BCKDHA: variants seen among roughly 807,000 people sequenced by gnomAD.
BCKDHA encodes the protein 2-oxoisovalerate dehydrogenase subunit alpha, mitochondrial.
A neutral mutation model predicts 52.2 loss-of-function variants in BCKDHA; 43 were observed. The ratio of observed to expected loss-of-function variants is 0.82; its 90% CI spans 0.64 to 1.06. The LOEUF (loss-of-function observed/expected upper bound fraction) is 1.06. BCKDHA is among the 50% of genes least tolerant of loss of function. The probability of loss-of-function intolerance (pLI) is 0.00; values close to 1 mark genes in which losing one functional copy is unlikely to be tolerated. For missense variants in BCKDHA, 527 were observed against 621.3 expected (o/e 0.85, Z 1.61); for synonymous variants, 234 against 247.9 (o/e 0.94, Z 0.53).
At chr19:41,401,079 G>T (rs201870636) in intron 1 of BCKDHA, among the ~76,000 whole-genome samples, 2 of 149,238 alleles carry the variant, frequency 1.3e-5, no homozygotes, top group Non-Finnish European at 1.5e-5. Context: ...GTTTTGTTTT[G>T]TTTTTTGTTT....
intron 3 of BCKDHA, 148 bp downstream of exon 3, chr19:41,411,157 G>A: frequency 1.1e-6 from 1 of 882,052 alleles, no homozygotes; most frequent in Non-Finnish European, 1.8e-6. Flanking sequence ...GGACTCTGGA[G>A]GAGAAGTGTG....
At chr19:41,419,408 C>CT in intron 5 of BCKDHA, 112 bp downstream of exon 5, 2 of 1,322,636 alleles carry the variant, frequency 1.5e-6, no homozygotes, top group South Asian at 1.3e-5. Flanking sequence ...GGTGACACCA[C>CT]TAGAGCCCTG....
intron 4 of BCKDHA, chr19:41,418,914 A>C: frequency 1.7e-6 from 1 of 573,880 alleles, no homozygotes; most frequent in Non-Finnish European, 3.1e-6. Context: ...ACCAGACAAT[A>C]TCTCACTAAG....
chr19:41,415,231 C>T (rs1275483101), intron 4 of BCKDHA, among the ~76,000 whole-genome samples: 3 of 152,236 alleles, frequency 2.0e-5, no homozygotes, highest in Admixed American at 6.5e-5. Context: ...TAGTGTCATC[C>T]GTGCGGAAAA....
chr19:41,410,894 C>T, intron 2 of BCKDHA, 29 bp from the exon 3 acceptor site: 2 of 1,613,996 alleles, frequency 1.2e-6, no homozygotes, highest in South Asian at 1.1e-5. Flanking sequence ...TCCCAACTGC[C>T]CCACGTCTAT....
chr19:41,422,505 C>T, intron 6 of BCKDHA, 124 bp from the exon 7 acceptor site: 1 of 1,572,328 alleles, frequency 6.4e-7, no homozygotes. Flanking sequence ...ACTTGGTCAG[C>T]CACAGGAGTT....
At chr19:41,422,938 C>A in intron 7 of BCKDHA, 60 bp from the exon 8 acceptor site, 1 of 1,559,160 alleles carries the variant, frequency 6.4e-7, no homozygotes, top group Non-Finnish European at 8.6e-7. Context: ...CCCCCATCCT[C>A]CCTCCTGACC....
At chr19:41,419,793 G>C (rs1438014408) in intron 5 of BCKDHA, among the ~76,000 whole-genome samples, 1 of 134,266 alleles carries the variant, frequency 7.4e-6, no homozygotes, top group Non-Finnish European at 1.6e-5. Context: ...CTGAGACGGG[G>C]TTTCACTCTC....
chr19:41,399,256 A>G (rs1260249080), intron 1 of BCKDHA: 1 of 152,144 alleles, frequency 6.6e-6, no homozygotes, highest in Non-Finnish European at 1.5e-5. Context: ...CACTTGAAAC[A>G]GGTAAATACA....
chr19:41,423,555 G>A (rs904881392), intron 8 of BCKDHA, among the ~76,000 whole-genome samples: 2 of 152,212 alleles, frequency 1.3e-5, no homozygotes, highest in Non-Finnish European at 2.9e-5. Flanking sequence ...ATTAGGGCTG[G>A]GCGCAGTGGC....
intron 4 of BCKDHA, among the ~76,000 whole-genome samples, chr19:41,414,510 C>T (rs569347910): frequency 4.6e-5 from 7 of 152,258 alleles, no homozygotes; most frequent in East Asian, 3.9e-4. Flanking sequence ...GTGAAGTCAA[C>T]GTTCGCTGTG....
chr19:41,418,329 A>G (rs776820893), intron 4 of BCKDHA, among the ~76,000 whole-genome samples: 3 of 152,114 alleles, frequency 2.0e-5, no homozygotes, highest in Non-Finnish European at 4.4e-5. Flanking sequence ...AGCTTGTCTG[A>G]GGGCAATCAC....
chr19:41,406,454 A>G (rs751064060), intron 1 of BCKDHA, among the ~76,000 whole-genome samples: 35 of 151,988 alleles, frequency 2.3e-4, no homozygotes, highest in Admixed American at 9.2e-4. Context: ...CTGGAGTGCA[A>G]TGGTGCAGTC....
intron 5 of BCKDHA, among the ~76,000 whole-genome samples, chr19:41,421,780 A>T (rs908464592): frequency 6.6e-6 from 1 of 151,820 alleles, no homozygotes; most frequent in Non-Finnish European, 1.5e-5. Flanking sequence ...TGCCCTGTGG[A>T]TAAGGGATTG....
At chr19:41,406,570 AT>A (rs1201986170) in intron 1 of BCKDHA, among the ~76,000 whole-genome samples, 681 of 129,440 alleles carry the variant, frequency 5.3e-3, no homozygotes, top group African/African-American at 4.8e-3. Flanking sequence ...TTCCCAGCTA[AT>A]TTTTTTTTTT....
At chr19:41,401,803 TC>T (rs1195346335) in intron 1 of BCKDHA, among the ~76,000 whole-genome samples, 1 of 152,182 alleles carries the variant, frequency 6.6e-6, no homozygotes. Context: ...CCCCTGGAGC[TC>T]GCTCTGTGCT....
rs746166264 is a variant in BCKDHA at position 41,422,314 on chromosome 19, A to T, written c.797A>T (p.Asn266Ile). 1.2e-6 allele frequency: 2 copies of T among 1,614,210 alleles called. No homozygotes were observed. Among genetic ancestry groups the T allele is most frequent in the Admixed American group, 1.7e-5 (1 of 60,026 alleles). Reference protein sequence around the residue: ...LECPIIFFCRNNGYAISTPTS... With the variant: ...LECPIIFFCRINGYAISTPTS... ...TGCCCCATCATCTTCTTCTGCCGGAACAATGGCTACGCCATCTCCACGCCC... is the reference window on the plus strand; with the variant it reads ...TGCCCCATCATCTTCTTCTGCCGGATCAATGGCTACGCCATCTCCACGCCC... Residue 266 changes from asparagine to isoleucine, a missense_variant, in exon 6 of 9, where the codon AAC becomes ATC. Coordinates refer to ENST00000269980, the MANE Select transcript of BCKDHA (RefSeq NM_000709.4).
intron 1 of BCKDHA, among the ~76,000 whole-genome samples, chr19:41,402,473 C>T (rs1455370546): frequency 6.6e-6 from 1 of 152,134 alleles, no homozygotes; most frequent in Non-Finnish European, 1.5e-5. Flanking sequence ...ATTGGTAGTA[C>T]TCTCCTATTA....
In BCKDHA at chr19:41,424,973, A is replaced by G. The variant is rs886054464; in HGVS notation, c.*365A>G. ...TGCGAGTGGCCAGCAGAGGTCACGA[A>G]TAAACTGCATCTCTGCGCCTGGCTC... On this transcript the variant is annotated 3_prime_UTR_variant, in exon 9 of 9. Coordinates refer to ENST00000269980, the MANE Select transcript of BCKDHA (RefSeq NM_000709.4). 3 of 214,532 alleles carry G rather than the reference A, an allele frequency of 1.4e-5. No homozygotes were observed. Among genetic ancestry groups the G allele is most frequent in the Non-Finnish European group, 2.8e-5 (3 of 106,880 alleles). 13.3% of individuals were successfully genotyped at this position (214,532 alleles called of 1,614,324 possible). A position where few individuals can be genotyped will look rare whatever the true frequency, so the allele number is the denominator to read the frequency against.
Sources: gnomAD v4.1 joint callset for allele counts (sites outside exome capture counted in the v4.1 genomes callset) on GRCh38, gnomAD v4.1.1 for gene constraint, MANE v1.5 for transcripts, NCBI Gene and HGNC (gene_info 2026-07-23, HGNC 2026-07-21) for gene names.